BRCA2: variants seen among roughly 807,000 people sequenced by gnomAD.
The protein encoded by BRCA2 is breast cancer type 2 susceptibility protein.
A neutral mutation model predicts 276.7 loss-of-function variants in BRCA2; 203 were observed. The observed-to-expected ratio is 0.73, with a 90% CI of 0.65 to 0.82. The LOEUF (loss-of-function observed/expected upper bound fraction) is 0.82. Among genes scored for constraint, BRCA2 ranks in the 40% least tolerant of loss-of-function variants. The pLI is 0.00. For missense variants in BRCA2, 3,920 were observed against 3,915.0 expected, an observed-to-expected ratio of 1.00 and a Z score of -0.03; for synonymous variants, 1,289 against 1,338.4, an observed-to-expected ratio of 0.96 and a Z score of 0.81.
chr13:32,315,888 C>T (rs1473707381), intron 1 of BRCA2, among the ~76,000 whole-genome samples: 1 of 152,236 alleles, frequency 6.6e-6, no homozygotes, highest in East Asian at 1.9e-4. Context: ...TTTCCCGCCT[C>T]CGGCCCGGCC....
At chr13:32,345,883 G>A (rs1317023312) in intron 12 of BRCA2, among the ~76,000 whole-genome samples, 2 of 151,920 alleles carry the variant, frequency 1.3e-5, no homozygotes, top group Non-Finnish European at 2.9e-5. Flanking sequence ...TTTCAGGTTT[G>A]TGACCATTTT....
Position 32,398,495 on chromosome 13 carries a change from T to C in BRCA2, c.9982T>C (p.Phe3328Leu), listed in dbSNP as rs2137665522. ...NSPQMTPFKK[F>L]NEISLLESNS... ...TCCTCAGATGACTCCATTTAAAAAA[T>C]TCAATGAAATTTCTCTTTTGGAAAG... The change falls in exon 27 of 27, where the codon TTC (phenylalanine) becomes CTC (leucine). Residue 3328 changes from phenylalanine (F) to leucine (L), a missense_variant. Transcript: ENST00000380152. The C allele has an allele frequency of 6.2e-7, 1 of 1,614,122 alleles. No individual in the cohort carries two copies. Among genetic ancestry groups the C allele is most frequent in the East Asian group, 2.2e-5 (1 of 44,892 alleles).
In BRCA2 at chr13:32,341,002, C is replaced by T. The variant is rs1555284777; in HGVS notation, c.6647C>T (p.Ser2216Phe). Residue 2216 changes from serine to phenylalanine, a missense_variant, in exon 11 of 27, where the codon TCC (serine) becomes TTC (phenylalanine). Ser to Phe is a radical substitution (Grantham distance 155). This residue lies in a region of BRCA2 where 3,263 missense variants were observed against 3,156.9 expected (regional missense o/e 1.03). Coordinates refer to ENST00000380152, the MANE Select transcript of BRCA2 (RefSeq NM_000059.4). ...KTNIEVCSTY[S>F]KDSENYFETE... Reference sequence around the variant, plus strand: ...AATATAGAAGTTTGTTCTACTTACTCCAAAGATTCAGAAAACTACTTTGAA... The same window carrying T: ...AATATAGAAGTTTGTTCTACTTACTTCAAAGATTCAGAAAACTACTTTGAA... 1.2e-6 allele frequency: 2 copies of T among 1,612,498 alleles called. No homozygotes were observed. Among genetic ancestry groups the T allele is most frequent in the South Asian group, 2.2e-5 (2 of 90,492 alleles).
At chr13:32,355,794 C>A (rs943917224) in intron 14 of BRCA2, among the ~76,000 whole-genome samples, 4 of 151,778 alleles carry the variant, frequency 2.6e-5, no homozygotes, top group South Asian at 4.2e-4. Context: ...GCAGGAGAAT[C>A]GTTTGAACCC....
chr13:32,326,475 A>G, intron 6 of BRCA2, 24 bp from the exon 7 acceptor site: 2 of 1,550,096 alleles, frequency 1.3e-6, no homozygotes, highest in Non-Finnish European at 1.8e-6. Flanking sequence ...TCTATAAAAA[A>G]TAAACTATTT....
At position 32,379,416 on chromosome 13, in the gene BRCA2, A is replaced by G. The variant is rs397508016; in HGVS notation, c.8854A>G (p.Met2952Val). Residue 2952 changes from methionine (M) to valine (V), a missense_variant, in exon 22 of 27, where the codon ATG becomes GTG. This residue lies in a region of BRCA2 where 657 missense variants were observed against 758.2 expected (regional missense o/e 0.87). Transcript: ENST00000380152. ...AQIQLEIRKA[M>V]ESAEQKEQGL... ...GATCCAGTTGGAAATTAGGAAGGCC[A>G]TGGAATCTGCTGAACAAAAGGAACA... The G allele has an allele frequency of 1.9e-6, 3 of 1,613,922 alleles. No homozygotes were observed. Among genetic ancestry groups the G allele is most frequent in the Admixed American group, 1.7e-5 (1 of 60,008 alleles).
rs2072908460 is a variant in BRCA2, at chr13:32,379,791, CTG to C, written c.8997_8998del (p.Leu3000AsnfsTer17). On this transcript the variant is annotated frameshift_variant, in exon 23 of 27. Coordinates refer to ENST00000380152, the MANE Select transcript of BRCA2 (RefSeq NM_000059.4). LOFTEE classifies it high-confidence loss of function. Reference protein sequence around the residue: ...IWRPSSDLYSLLTEGKRYRIY... With the variant: ...IWRPSSDLYSXLTEGKRYRIY... ...GCGTCCATCATCAGATTTATATTCT[CTG>C]TTAACAGAAGGAAAGAGATACAGAA... 6.2e-7 allele frequency: 1 copy of C among 1,612,512 alleles called. No homozygotes were observed. Among genetic ancestry groups the C allele is most frequent in the East Asian group, 2.2e-5 (1 of 44,850 alleles).
chr13:32,385,140 C>T (rs1156420954), intron 24 of BRCA2: 4 of 230,638 alleles, frequency 1.7e-5, no homozygotes, highest in Non-Finnish European at 3.7e-5. Flanking sequence ...ATGAACAGGC[C>T]AAGGCCTGCT....
rs1369776657 is a variant in BRCA2, at chr13:32,399,280, T to G, written c.*510T>G. 2.5e-5 allele frequency: 5 copies of G among 199,872 alleles called. No individual in the cohort carries two copies. In the East Asian group the frequency reaches 4.0e-4, roughly 16 times the overall value. 12.4% of individuals were successfully genotyped at this position (199,872 alleles called of 1,614,324 possible). A position where few individuals can be genotyped will look rare whatever the true frequency, so the allele number is the denominator to read the frequency against. On this transcript the variant is annotated 3_prime_UTR_variant, in exon 27 of 27. Transcript: ENST00000380152. ...GAATGAGGTCTCTTAGTACAGTTAT[T>G]TTGATGCAGATAATTCCTTTTAGTT...
rs1197950867 is a variant in BRCA2, at chr13:32,379,482, A to G, written c.8920A>G (p.Ile2974Val). Residue 2974 changes from isoleucine (I) to valine (V), a missense_variant, in exon 22 of 27, where the codon ATT becomes GTT. By Grantham distance (29) the Ile-to-Val change is conservative. Coordinates refer to ENST00000380152, the MANE Select transcript of BRCA2 (RefSeq NM_000059.4). ...RDVTTVWKLR[I>V]VSYSKKEKDS... ...TGTCACAACCGTGTGGAAGTTGCGT[A>G]TTGTAAGCTATTCAAAAAAAGAAAA... The G allele has an allele frequency of 6.2e-7, 1 of 1,613,274 alleles. No homozygotes were observed. The highest frequency in any genetic ancestry group is 1.1e-5 in the South Asian group (1 of 90,850).
intron 20 of BRCA2, among the ~76,000 whole-genome samples, chr13:32,372,486 G>A (rs2072841229): frequency 6.6e-6 from 1 of 152,172 alleles, no homozygotes; most frequent in Admixed American, 6.5e-5. Flanking sequence ...TTCATAAGGT[G>A]GCAGAAGAGA....
At chr13:32,341,503 GT>G (rs1185570683) in intron 11 of BRCA2, among the ~76,000 whole-genome samples, 1 of 152,116 alleles carries the variant, frequency 6.6e-6, no homozygotes, top group East Asian at 1.9e-4. Context: ...CTGTTAAAAA[GT>G]TTTGAGTTTC....
At chr13:32,358,864 G>A (rs1331192080) in intron 16 of BRCA2, among the ~76,000 whole-genome samples, 1 of 151,834 alleles carries the variant, frequency 6.6e-6, no homozygotes, top group African/African-American at 2.4e-5. Context: ...AGCCCAGTAG[G>A]TGGAGGTTGC....
chr13:32,375,787 G>C (rs1025216137), intron 20 of BRCA2, among the ~76,000 whole-genome samples: 1 of 151,912 alleles, frequency 6.6e-6, no homozygotes, highest in African/African-American at 2.4e-5. Context: ...CACGAACTCC[G>C]GACCTCAGGT....
chr13:32,377,393 A>G (rs937691496), intron 21 of BRCA2, among the ~76,000 whole-genome samples: 10 of 152,156 alleles, frequency 6.6e-5, no homozygotes, highest in African/African-American at 2.4e-4. Flanking sequence ...GGAGTTCGTG[A>G]CCAGCCTGGC....
At chr13:32,387,344 A>C (rs1593196643) in intron 24 of BRCA2, among the ~76,000 whole-genome samples, 1 of 152,194 alleles carries the variant, frequency 6.6e-6, no homozygotes, top group Non-Finnish European at 1.5e-5. Flanking sequence ...TACTAATATA[A>C]CCTAGGAATA....
At position 32,337,312 on chromosome 13, in the gene BRCA2, A is replaced by AG. The variant is rs1555282969; in HGVS notation, c.2957_2958insG (p.Asn986LysfsTer2). ...AATATAGATAAAATACCAGAAAAAA[A>AG]TAATGATTACATGAACAAATGGGCA... On this transcript the variant is annotated frameshift_variant, in exon 11 of 27. Transcript: ENST00000380152. LOFTEE classifies it high-confidence loss of function. 3 of 1,613,154 alleles carry AG rather than the reference A, an allele frequency of 1.9e-6. No individual in the cohort carries two copies. In the African/African-American group the frequency reaches 4.0e-5, roughly 22 times the overall value.
Position 32,336,877 on chromosome 13 carries a change from G to A in BRCA2, c.2522G>A (p.Arg841Lys), listed in dbSNP as rs587781915. Reference sequence around the variant, plus strand: ...CTGTTGCCACCTGAAAAATACATGAGAGTAGCATCACCTTCAAGAAAGGTA... The same window carrying A: ...CTGTTGCCACCTGAAAAATACATGAAAGTAGCATCACCTTCAAGAAAGGTA... ...VELLPPEKYM[R>K]VASPSRKVQF... The change falls in exon 11 of 27, where the codon AGA (arginine) becomes AAA (lysine). Residue 841 changes from arginine (R) to lysine (K), a missense_variant. This residue lies in a region of BRCA2 where 3,263 missense variants were observed against 3,156.9 expected (regional missense o/e 1.03). Transcript: ENST00000380152. 1 of 1,610,822 alleles carries A rather than the reference G, an allele frequency of 6.2e-7. No homozygotes were observed. The highest frequency in any genetic ancestry group is 8.5e-7 in the Non-Finnish European group (1 of 1,179,294).
In BRCA2 at chr13:32,368,999, G is replaced by A. The variant is rs181782608; in HGVS notation, c.8332-1403G>A. Among the ~76,000 whole-genome samples the A allele has an allele frequency of 7.4e-4, 112 of 151,758 alleles. 1 individual carries two copies. The highest frequency in any genetic ancestry group is 2.6e-3 in the African/African-American group (108 of 41,388). ...CTAATTTTTTATTTTTAGTAGAGAC[G>A]GGGTTTCACCATCTTGGCCAGGCTG... On this transcript the variant is annotated intron_variant, in intron 18 of 26. Coordinates refer to ENST00000380152, the MANE Select transcript of BRCA2 (RefSeq NM_000059.4).
Sources: allele counts gnomAD v4.1 joint callset (sites outside exome capture counted in the v4.1 genomes callset), GRCh38; gene constraint gnomAD v4.1.1; regional missense constraint gnomAD v4.1.1; transcripts MANE v1.5; gene names NCBI Gene and HGNC (gene_info 2026-07-23, HGNC 2026-07-21).